ARHGAP19: variants seen among roughly 807,000 people sequenced by gnomAD.
ARHGAP19 encodes Rho GTPase activating protein 19.
In ARHGAP19, 48 loss-of-function variants were observed where a neutral mutation model predicts 60.9. The ratio of observed to expected loss-of-function variants is 0.79; its 90% confidence interval spans 0.62 to 1.00. The LOEUF is 1.00. ARHGAP19 is among the 50% of genes least tolerant of loss of function. The pLI, the probability that ARHGAP19 is intolerant of heterozygous loss-of-function variation, is 0.00. For missense variants in ARHGAP19, 562 were observed against 597.2 expected (o/e 0.94, Z 0.61); for synonymous variants, 209 against 215.5 (o/e 0.97, Z 0.27).
chr10:97,261,401 G>A (rs1431319358), intron 4 of ARHGAP19, among the ~76,000 whole-genome samples: 2 of 152,130 alleles, frequency 1.3e-5, no homozygotes, highest in African/African-American at 4.8e-5. Flanking sequence ...TGTTCTCAAA[G>A]AACAGTCAAT....
chr10:97,258,077 T>G (rs1034005822), intron 5 of ARHGAP19, among the ~76,000 whole-genome samples: 11 of 152,210 alleles, frequency 7.2e-5, no homozygotes, highest in Admixed American at 5.2e-4. Context: ...TATAGATTAT[T>G]TTGATTAAAG....
At chr10:97,266,162 T>G in intron 1 of ARHGAP19, 37 bp from the exon 2 acceptor site, 1 of 1,607,494 alleles carries the variant, frequency 6.2e-7, no homozygotes, top group East Asian at 2.2e-5. Context: ...GGGACATCAT[T>G]TTTGTATGTT....
At chr10:97,265,691 T>C (rs1032944873) in intron 2 of ARHGAP19, 169 bp downstream of exon 2, 23 of 710,374 alleles carry the variant, frequency 3.2e-5, no homozygotes, top group Non-Finnish European at 4.9e-5. Context: ...CTAGACAGTT[T>C]TTATAATTTG....
chr10:97,281,194 G>C (rs914442697), intron 1 of ARHGAP19, among the ~76,000 whole-genome samples: 1 of 144,366 alleles, frequency 6.9e-6, no homozygotes, highest in Non-Finnish European at 1.5e-5. Flanking sequence ...ACCAGTATAA[G>C]CAACCTGACA....
At chr10:97,268,933 G>A (rs960378207) in intron 1 of ARHGAP19, among the ~76,000 whole-genome samples, 2 of 152,170 alleles carry the variant, frequency 1.3e-5, no homozygotes, top group African/African-American at 4.8e-5. Context: ...CTAATGGCTT[G>A]TTCTAATCTT....
intron 4 of ARHGAP19, among the ~76,000 whole-genome samples, chr10:97,262,293 T>C (rs1044799364): frequency 2.0e-5 from 3 of 151,842 alleles, no homozygotes; most frequent in Non-Finnish European, 4.4e-5. Context: ...AGAGAAGGTT[T>C]TTACTGTATA....
intron 1 of ARHGAP19, among the ~76,000 whole-genome samples, chr10:97,280,789 T>C (rs1463297841): frequency 1.3e-5 from 2 of 152,076 alleles, no homozygotes; most frequent in Non-Finnish European, 2.9e-5. Flanking sequence ...CTCACTATGT[T>C]GACCACACTA....
Position 97,225,144 on chromosome 10 carries a change from C to G in ARHGAP19, c.*978G>C, listed in dbSNP as rs1318317713. 1 of 152,280 alleles carries G rather than the reference C, an allele frequency of 6.6e-6. No homozygotes were observed. Among genetic ancestry groups the G allele is most frequent in the African/African-American group, 2.4e-5 (1 of 41,422 alleles). 9.4% of individuals were successfully genotyped at this position (152,280 alleles called of 1,614,324 possible). ...ATCCTGGGACATAAAGGCAGCCAGC[C>G]CCCTCCTAGGCACACTCCAGAGCTT... is the stretch of plus-strand genomic sequence containing the variant. On this transcript the variant is annotated 3_prime_UTR_variant, in exon 12 of 12. Transcript: ENST00000358531.
intron 9 of ARHGAP19, among the ~76,000 whole-genome samples, chr10:97,233,021 C>T (rs1203408075): frequency 1.3e-5 from 2 of 151,920 alleles, no homozygotes; most frequent in African/African-American, 4.8e-5. Context: ...TGGTGGTGGG[C>T]GCCTGTAATC....
chr10:97,288,659 A>G (rs1843187437), intron 1 of ARHGAP19, among the ~76,000 whole-genome samples: 1 of 152,010 alleles, frequency 6.6e-6, no homozygotes, highest in African/African-American at 2.4e-5. Context: ...TCTGTAAAGT[A>G]TTTATCACCA....
At chr10:97,286,921 T>C (rs1486418517) in intron 1 of ARHGAP19, among the ~76,000 whole-genome samples, 1 of 151,916 alleles carries the variant, frequency 6.6e-6, no homozygotes, top group East Asian at 1.9e-4. Flanking sequence ...TATACTATTA[T>C]TGATAAAGTG....
intron 1 of ARHGAP19, among the ~76,000 whole-genome samples, chr10:97,283,222 G>A (rs1386097965): frequency 6.6e-6 from 1 of 152,068 alleles, no homozygotes; most frequent in Non-Finnish European, 1.5e-5. Context: ...AAAATAAATA[G>A]GCTCCAGCAT....
At chr10:97,269,059 A>G (rs2134896701) in intron 1 of ARHGAP19, among the ~76,000 whole-genome samples, 1 of 152,278 alleles carries the variant, frequency 6.6e-6, no homozygotes, top group Non-Finnish European at 1.5e-5. Context: ...GACTCATACA[A>G]ACATACCCAC....
Position 97,264,774 on chromosome 10 carries a change from A to G in ARHGAP19, c.403+52T>C, listed in dbSNP as rs537828693. 1.1e-5 allele frequency: 16 copies of G among 1,426,900 alleles called. No homozygotes were observed. The Admixed American group carries it at 2.2e-4, about 20-fold the overall frequency. The allele number at this position is 1,426,900 out of a possible 1,614,324, so 88.4% of individuals were successfully genotyped here. On this transcript the variant is annotated intron_variant, in intron 3 of 11. Coordinates refer to ENST00000358531, the MANE Select transcript of ARHGAP19 (RefSeq NM_032900.6). ...ACTCAAGGCAGTTAGCTCTCAACAGAAAACAGAATTCTTCATTAAACAAAG... is the reference window on the plus strand; with the variant it reads ...ACTCAAGGCAGTTAGCTCTCAACAGGAAACAGAATTCTTCATTAAACAAAG...
At chr10:97,232,001 TAATA>T (rs1295357746) in intron 9 of ARHGAP19, among the ~76,000 whole-genome samples, 2 of 144,526 alleles carry the variant, frequency 1.4e-5, no homozygotes, top group Non-Finnish European at 3.0e-5. Flanking sequence ...TTTTTTTTAA[TAATA>T]GTCATCCTAG....
Position 97,288,397 on chromosome 10 carries a change from T to C in ARHGAP19, c.56+4175A>G, listed in dbSNP as rs1039446482. 2.2e-4 allele frequency among the ~76,000 whole-genome samples: 34 copies of C among 151,916 alleles called. 1 individual carries two copies. The highest frequency in any genetic ancestry group is 2.2e-3 in the Admixed American group (34 of 15,244). On this transcript the variant is annotated intron_variant, in intron 1 of 11. Transcript: ENST00000358531. ...GAGATGGAGAACATCCTGGCCAAGA[T>C]GGTGAAACCCCGTCTCTACTAAAAA... is the stretch of plus-strand genomic sequence containing the variant.
chr10:97,260,433 G>A, intron 4 of ARHGAP19, among the ~76,000 whole-genome samples: 1 of 151,896 alleles, frequency 6.6e-6, no homozygotes, highest in East Asian at 2.0e-4. Context: ...AGGAGGCAGA[G>A]GCAGGAGTAT....
At chr10:97,278,243 A>G (rs1009140950) in intron 1 of ARHGAP19, 1 of 153,318 alleles carries the variant, frequency 6.5e-6, no homozygotes, top group Non-Finnish European at 1.5e-5. Flanking sequence ...GCTATTTGAG[A>G]GCATCATCCC....
intron 6 of ARHGAP19, among the ~76,000 whole-genome samples, chr10:97,255,364 CAGG>C (rs1842738952): frequency 6.6e-6 from 1 of 152,046 alleles, no homozygotes; most frequent in Non-Finnish European, 1.5e-5. Flanking sequence ...GGATTGAACC[CAGG>C]AGTTCAAGAC....
Sources: allele counts gnomAD v4.1 joint callset (sites outside exome capture counted in the v4.1 genomes callset), GRCh38; gene constraint gnomAD v4.1.1; transcripts MANE v1.5; gene names NCBI Gene and HGNC (gene_info 2026-07-23, HGNC 2026-07-21).